The following GPD2 variants were observed in gnomAD, a reference collection of about 807,000 sequenced individuals.
GPD2 encodes glycerol-3-phosphate dehydrogenase 2.
GPD2 carries 54 observed loss-of-function variants against 82.4 expected under a neutral mutation model. That is an observed-to-expected ratio of 0.66 (90% CI 0.53 to 0.82). The LOEUF (loss-of-function observed/expected upper bound fraction) is 0.82. Ranked by LOEUF, GPD2 falls within the 40% of genes least tolerant of loss-of-function variation. The probability of loss-of-function intolerance (pLI) is 0.00; values close to 1 mark genes in which losing one functional copy is unlikely to be tolerated. For synonymous variants in GPD2, 288 were observed against 306.1 expected (o/e 0.94, Z 0.62); for missense variants, 748 against 896.2 (o/e 0.83, Z 2.11).
intron 3 of GPD2, among the ~76,000 whole-genome samples, chr2:156,504,712 T>C (rs765075579): frequency 1.1e-4 from 16 of 152,026 alleles, no homozygotes; most frequent in Non-Finnish European, 2.2e-4. Context: ...GAATAAATTA[T>C]TAAAATTAAT....
chr2:156,474,762 A>G (rs1385331961), intron 1 of GPD2, among the ~76,000 whole-genome samples: 1 of 152,208 alleles, frequency 6.6e-6, no homozygotes, highest in African/African-American at 2.4e-5. Context: ...TCAGTCCAGT[A>G]GTGGAAAACA....
the GPD2 span, among the ~76,000 whole-genome samples, chr2:156,415,153 A>G: frequency 3.1e-5 from 4 of 127,512 alleles, no homozygotes; most frequent in African/African-American, 1.1e-4. Flanking sequence ...CCATTGTATC[A>G]TTCTTTTTTT....
chr2:156,458,164 C>T (rs1012861074), intron 1 of GPD2, among the ~76,000 whole-genome samples: 1 of 152,126 alleles, frequency 6.6e-6, no homozygotes, highest in Non-Finnish European at 1.5e-5. Context: ...TAAATTATCA[C>T]AGGGTGGGGA....
At chr2:156,450,682 T>TTTTATTGATCATTCTTGGGTGTTTCTCAC in intron 1 of GPD2, among the ~76,000 whole-genome samples, 1 of 112,448 alleles carries the variant, frequency 8.9e-6, no homozygotes, top group Non-Finnish European at 1.8e-5. Context: ...TTTTTTTTTT[T>TTTTATTGATCATTCTTGGGTGTTTCTCAC]ATTGCTCATT....
intron 6 of GPD2, among the ~76,000 whole-genome samples, chr2:156,521,315 G>T (rs927048248): frequency 2.0e-5 from 3 of 152,160 alleles, no homozygotes; most frequent in African/African-American, 7.2e-5. Flanking sequence ...CCAAAGTATT[G>T]TAGGGTCTTT....
At chr2:156,524,310 C>G (rs1459290567) in intron 6 of GPD2, among the ~76,000 whole-genome samples, 1 of 152,142 alleles carries the variant, frequency 6.6e-6, no homozygotes, top group Non-Finnish European at 1.5e-5. Context: ...AACACCTAAG[C>G]TCAGTGGCTT....
intron 6 of GPD2, among the ~76,000 whole-genome samples, chr2:156,514,235 G>T (rs1160409868): frequency 6.6e-6 from 1 of 151,644 alleles, no homozygotes; most frequent in Non-Finnish European, 1.5e-5. Context: ...AAACAAAACA[G>T]GCAAAGCCAT....
chr2:156,506,216 GT>G (rs1188835417), intron 3 of GPD2, among the ~76,000 whole-genome samples: 1 of 152,126 alleles, frequency 6.6e-6, no homozygotes, highest in Non-Finnish European at 1.5e-5. Flanking sequence ...ATACTTTTAT[GT>G]TACATGGCAT....
chr2:156,544,330 A>G (rs1686443470), intron 6 of GPD2, among the ~76,000 whole-genome samples: 1 of 152,138 alleles, frequency 6.6e-6, no homozygotes, highest in Admixed American at 6.6e-5. Context: ...AGAAACATAC[A>G]AGTGTTCTTT....
intron 3 of GPD2, chr2:156,502,006 A>G (rs1684600049): frequency 6.5e-6 from 1 of 154,760 alleles, no homozygotes; most frequent in African/African-American, 2.4e-5. Flanking sequence ...AAATACATGA[A>G]GTTTAGAATA....
At chr2:156,511,038 AT>A in intron 4 of GPD2, 118 bp downstream of exon 4, 1 of 871,176 alleles carries the variant, frequency 1.1e-6, no homozygotes, top group Non-Finnish European at 2.0e-6. Context: ...GGAAATACCT[AT>A]TTAGTGTATT....
intron 2 of GPD2, among the ~76,000 whole-genome samples, chr2:156,492,147 CTTTTTT>C (rs770947790): frequency 5.3e-5 from 4 of 75,504 alleles, no homozygotes; most frequent in African/African-American, 5.4e-5. Flanking sequence ...CCCTCCCTAC[CTTTTTT>C]TTTTTTTTTT....
chr2:156,489,147 A>G (rs1684056725), intron 2 of GPD2, among the ~76,000 whole-genome samples: 3 of 152,216 alleles, frequency 2.0e-5, no homozygotes, highest in African/African-American at 7.2e-5. Context: ...GATGAGGTAC[A>G]AGTGTGAAGC....
At chr2:156,455,711 C>A (rs781241000) in intron 1 of GPD2, among the ~76,000 whole-genome samples, 17 of 151,908 alleles carry the variant, frequency 1.1e-4, no homozygotes, top group Non-Finnish European at 2.1e-4. Flanking sequence ...CTCTTTCCTT[C>A]AGGGGTAAGT....
intron 1 of GPD2, among the ~76,000 whole-genome samples, chr2:156,459,091 C>T (rs375691120): frequency 1.3e-5 from 2 of 151,668 alleles, no homozygotes; most frequent in South Asian, 2.1e-4. Flanking sequence ...TCTACTTGTC[C>T]GTTACCCCAT....
At chr2:156,500,454 A>G (rs539252879) in intron 3 of GPD2, among the ~76,000 whole-genome samples, 2 of 152,270 alleles carry the variant, frequency 1.3e-5, no homozygotes, top group South Asian at 4.1e-4. Flanking sequence ...TTGCTCTTTT[A>G]TCATATTTGA....
At chr2:156,509,993 G>A (rs1684935869) in intron 3 of GPD2, among the ~76,000 whole-genome samples, 1 of 151,900 alleles carries the variant, frequency 6.6e-6, no homozygotes, top group Non-Finnish European at 1.5e-5. Flanking sequence ...ATGTTGGCCA[G>A]GTTGGTCTTG....
At chr2:156,575,928 T>C (rs1170855716) in intron 13 of GPD2, among the ~76,000 whole-genome samples, 18 of 152,208 alleles carry the variant, frequency 1.2e-4, no homozygotes, top group Admixed American at 1.0e-3. Flanking sequence ...ATTACAATGT[T>C]GATGGCATGC....
intron 1 of GPD2, among the ~76,000 whole-genome samples, chr2:156,467,658 TTG>T (rs2105186671): frequency 6.6e-6 from 1 of 152,348 alleles, no homozygotes; most frequent in African/African-American, 2.4e-5. Context: ...TCCATAGGGA[TTG>T]TCTTTTGTGA....
Sources: allele counts gnomAD v4.1 joint callset (sites outside exome capture counted in the v4.1 genomes callset), GRCh38; gene constraint gnomAD v4.1.1; transcripts MANE v1.5; gene names NCBI Gene and HGNC (gene_info 2026-07-23, HGNC 2026-07-21).